GPHN: variants seen among roughly 807,000 people sequenced by gnomAD.
The protein encoded by GPHN is gephyrin.
Under a neutral mutation model 95.5 loss-of-function variants are expected in GPHN, and 17 were observed. The observed-to-expected ratio is 0.18, with a 90% CI of 0.12 to 0.27. The LOEUF is 0.27. Among genes scored for constraint, GPHN ranks in the 10% least tolerant of loss-of-function variants. The pLI is 1.00. For missense variants in GPHN, 660 were observed against 978.1 expected, an observed-to-expected ratio of 0.67 and a Z score of 4.34; for synonymous variants, 320 against 322.5, an observed-to-expected ratio of 0.99 and a Z score of 0.08.
At chr14:67,095,845 G>A (rs1381427472) in intron 12 of GPHN, among the ~76,000 whole-genome samples, 1 of 150,898 alleles carries the variant, frequency 6.6e-6, no homozygotes, top group African/African-American at 2.4e-5. Flanking sequence ...CAAGTTAATG[G>A]GTGCAGCACA....
intron 5 of GPHN, among the ~76,000 whole-genome samples, chr14:66,893,254 G>A (rs2064622353): frequency 6.6e-6 from 1 of 152,200 alleles, no homozygotes; most frequent in Non-Finnish European, 1.5e-5. Flanking sequence ...TAACGCAGAA[G>A]ACAGGTGATT....
At chr14:66,651,776 A>G (rs1320137202) in intron 1 of GPHN, among the ~76,000 whole-genome samples, 1 of 151,972 alleles carries the variant, frequency 6.6e-6, no homozygotes, top group Non-Finnish European at 1.5e-5. Context: ...AACCAAAATG[A>G]GATTATGGAG....
the GPHN span, among the ~76,000 whole-genome samples, chr14:67,289,553 A>G: frequency 6.6e-6 from 1 of 152,064 alleles, no homozygotes; most frequent in Non-Finnish European, 1.5e-5. Flanking sequence ...GACTAAATAT[A>G]TATATGTTTG....
chr14:67,427,122 G>C, the GPHN span, among the ~76,000 whole-genome samples: 1 of 152,104 alleles, frequency 6.6e-6, no homozygotes, highest in African/African-American at 2.4e-5. Context: ...TGTCACGCGG[G>C]GGAGGGAGGG....
intron 9 of GPHN, among the ~76,000 whole-genome samples, chr14:67,007,178 A>C (rs965930051): frequency 6.6e-5 from 10 of 152,202 alleles, no homozygotes; most frequent in Non-Finnish European, 1.3e-4. Context: ...TCCAAGTGGA[A>C]AGAAATCTTT....
At chr14:67,199,339 C>T in the GPHN span, 1 of 1,613,996 alleles carries the variant, frequency 6.2e-7, no homozygotes, top group African/African-American at 1.3e-5. Context: ...CAGCTCACAA[C>T]AAAAACCTGG....
chr14:67,470,700 C>T, the GPHN span: 1 of 152,064 alleles, frequency 6.6e-6, no homozygotes, highest in African/African-American at 2.5e-5. Flanking sequence ...TAAGCATAGG[C>T]CATTGTGACT....
Position 66,605,387 on chromosome 14 carries a change from C to T in GPHN, c.65-75720C>T, listed in dbSNP as rs1023374676. On this transcript the variant is annotated intron_variant, in intron 1 of 22. Coordinates refer to ENST00000478722, the MANE Select transcript of GPHN (RefSeq NM_020806.5). ...TTATTTTTTGACTTTTTAATAATCA[C>T]CATTCTGACTGGTGTAAGATGGTAT... 6.6e-5 allele frequency among the ~76,000 whole-genome samples: 10 copies of T among 151,986 alleles called. No homozygotes were observed. In the South Asian group the frequency reaches 8.3e-4, roughly 13 times the overall value.
chr14:67,378,974 T>G, the GPHN span, among the ~76,000 whole-genome samples: 1 of 152,246 alleles, frequency 6.6e-6, no homozygotes, highest in African/African-American at 2.4e-5. Flanking sequence ...TAACCTATTG[T>G]ATCTTTTTGT....
At chr14:67,342,235 CAAAG>C in the GPHN span, among the ~76,000 whole-genome samples, 4 of 148,856 alleles carry the variant, frequency 2.7e-5, no homozygotes, top group South Asian at 2.1e-4. Context: ...AAAAAAAACA[CAAAG>C]AAAAAAAGTA....
In GPHN at chr14:66,862,294, A is replaced by T. The variant is rs146457945; in HGVS notation, c.295-17645A>T. 9.3e-3 allele frequency among the ~76,000 whole-genome samples: 1,412 copies of T among 152,156 alleles called. 25 individuals are homozygous for T. The highest frequency in any genetic ancestry group is 0.031 in the African/African-American group (1,281 of 41,556). ...ACCTATCAAGGCTTAACCACAAAGA[A>T]ATCCAAAACCTGAACAGAGCAATAA... On this transcript the variant is annotated intron_variant, in intron 4 of 22. Coordinates refer to ENST00000478722, the MANE Select transcript of GPHN (RefSeq NM_020806.5).
chr14:67,580,822 G>A, the GPHN span: 17,711 of 671,094 alleles, frequency 0.026, 519 homozygotes, highest in African/African-American at 0.11. Context: ...CTCCTGGTGG[G>A]AGGACTTTTC....
chr14:67,107,730 C>T (rs892312200), intron 13 of GPHN, among the ~76,000 whole-genome samples: 1 of 152,098 alleles, frequency 6.6e-6, no homozygotes, highest in Non-Finnish European at 1.5e-5. Context: ...AATGGCAGAG[C>T]GCAGCTGTGG....
At chr14:67,636,165 T>C in the GPHN span, among the ~76,000 whole-genome samples, 1 of 152,026 alleles carries the variant, frequency 6.6e-6, no homozygotes, top group African/African-American at 2.4e-5. Flanking sequence ...CTCCTGTGTG[T>C]CAGCCCACTT....
At chr14:67,228,169 C>CA in the GPHN span, among the ~76,000 whole-genome samples, 3,652 of 63,656 alleles carry the variant, frequency 0.057, 66 homozygotes, top group Middle Eastern at 0.085. Flanking sequence ...GACTTTGTCT[C>CA]AAAAAAAAAA....
intron 9 of GPHN, among the ~76,000 whole-genome samples, chr14:67,001,463 G>A (rs2072222654): frequency 6.6e-6 from 1 of 151,574 alleles, no homozygotes; most frequent in South Asian, 2.1e-4. Context: ...ATGTCTTTTT[G>A]TAATATCAAA....
chr14:66,818,257 C>T (rs1315809777), intron 3 of GPHN, among the ~76,000 whole-genome samples: 1 of 152,052 alleles, frequency 6.6e-6, no homozygotes, highest in Non-Finnish European at 1.5e-5. Flanking sequence ...TTCTCTCCCT[C>T]CTCTCACCCT....
the GPHN span, among the ~76,000 whole-genome samples, chr14:67,535,563 G>T: frequency 6.6e-6 from 1 of 151,824 alleles, no homozygotes; most frequent in African/African-American, 2.4e-5. Flanking sequence ...TGTATTTTTA[G>T]TAGAGACAGG....
the GPHN span, among the ~76,000 whole-genome samples, chr14:67,430,828 C>G: frequency 6.6e-6 from 1 of 152,094 alleles, no homozygotes; most frequent in African/African-American, 2.4e-5. Flanking sequence ...ATTCTGATCC[C>G]CTGAGGATTC....
Sources: gnomAD v4.1 joint callset for allele counts (sites outside exome capture counted in the v4.1 genomes callset) on GRCh38, gnomAD v4.1.1 for gene constraint, MANE v1.5 for transcripts, NCBI Gene and HGNC (gene_info 2026-07-23, HGNC 2026-07-21) for gene names.